Variants in ENPP3 observed in about 807,000 individuals in gnomAD.
ENPP3 encodes the protein ectonucleotide pyrophosphatase/phosphodiesterase 3.
A neutral mutation model predicts 117.8 loss-of-function variants in ENPP3; 104 were observed. The ratio of observed to expected loss-of-function variants is 0.88; its 90% confidence interval spans 0.75 to 1.04. ENPP3 has a LOEUF of 1.04. Ranked by LOEUF, ENPP3 falls within the 50% of genes least tolerant of loss-of-function variation. The probability of loss-of-function intolerance (pLI) is 0.00; values close to 1 mark genes in which losing one functional copy is unlikely to be tolerated. For missense variants in ENPP3, 1,026 were observed against 1,051.9 expected, an observed-to-expected ratio of 0.98 and a Z score of 0.34; for synonymous variants, 380 against 349.9, an observed-to-expected ratio of 1.09 and a Z score of -0.96.
chr6:131,722,097 A>C (rs1780045084), intron 17 of ENPP3, 130 bp from the exon 18 acceptor site: 1 of 646,440 alleles, frequency 1.5e-6, no homozygotes, highest in African/African-American at 1.8e-5. Flanking sequence ...CATATAGAGT[A>C]CATAGCTTCG....
intron 21 of ENPP3, among the ~76,000 whole-genome samples, chr6:131,736,260 AT>A (rs1780395112): frequency 6.6e-6 from 1 of 152,202 alleles, no homozygotes; most frequent in African/African-American, 2.4e-5. Flanking sequence ...AGCAGTCTCT[AT>A]TAGTCAGTTC....
At chr6:131,697,802 C>G (rs2114465481) in intron 15 of ENPP3, among the ~76,000 whole-genome samples, 1 of 152,188 alleles carries the variant, frequency 6.6e-6, no homozygotes, top group South Asian at 2.1e-4. Flanking sequence ...GGCCTGGTTC[C>G]TAACAGGCCA....
chr6:131,638,213 A>G (rs1306513389), intron 1 of ENPP3, among the ~76,000 whole-genome samples: 1 of 152,112 alleles, frequency 6.6e-6, no homozygotes, highest in Non-Finnish European at 1.5e-5. Context: ...TTGAGTGTTC[A>G]TAACAACAAT....
At chr6:131,683,965 T>A (rs958113373) in intron 12 of ENPP3, among the ~76,000 whole-genome samples, 4 of 151,976 alleles carry the variant, frequency 2.6e-5, no homozygotes, top group Non-Finnish European at 5.9e-5. Context: ...GTTAGCCCGG[T>A]TAGTCTCAAT....
intron 14 of ENPP3, among the ~76,000 whole-genome samples, chr6:131,689,938 G>C (rs775343034): frequency 1.3e-5 from 2 of 152,146 alleles, no homozygotes; most frequent in Non-Finnish European, 2.9e-5. Context: ...AACTACAGTC[G>C]TGGTAAAAAT....
At chr6:131,680,516 G>A (rs1193489827) in intron 11 of ENPP3, among the ~76,000 whole-genome samples, 3 of 152,272 alleles carry the variant, frequency 2.0e-5, no homozygotes, top group South Asian at 4.2e-4. Flanking sequence ...CACAGAAGTG[G>A]AGATGGCCTA....
chr6:131,658,660 A>G (rs1778436576), intron 6 of ENPP3, among the ~76,000 whole-genome samples: 2 of 152,182 alleles, frequency 1.3e-5, no homozygotes, highest in South Asian at 2.1e-4. Context: ...GATTTGCTTT[A>G]TATTTGAATG....
chr6:131,718,780 G>T, intron 16 of ENPP3, 42 bp downstream of exon 16: 1 of 1,223,466 alleles, frequency 8.2e-7, no homozygotes. Context: ...TTTAAGTTCA[G>T]GGGTACATGT....
Position 131,637,390 on chromosome 6 carries a change from A to G in ENPP3, c.6A>G (p.Glu2=). The G allele has an allele frequency of 1.9e-6, 3 of 1,593,978 alleles. No homozygotes were observed. The highest frequency in any genetic ancestry group is 2.6e-6 in the Non-Finnish European group (3 of 1,169,924). M[E]STLTLATEQP... ...TCTATGCAGCTACCAGGACAATGGA[A>G]TCTACGTTGACTTTAGCAACGGAAC... The change falls in exon 1 of 25, where the codon GAA becomes GAG. Residue 2 remains glutamate (E), a synonymous_variant. Transcript: ENST00000357639.
At chr6:131,650,705 C>T (rs1286719969) in intron 3 of ENPP3, among the ~76,000 whole-genome samples, 1 of 152,196 alleles carries the variant, frequency 6.6e-6, no homozygotes, top group Non-Finnish European at 1.5e-5. Context: ...AGAGAATCCG[C>T]TCCATGCCTC....
In ENPP3 at chr6:131,722,248, C is replaced by T; in HGVS notation, c.1589C>T (p.Ala530Val). 1 of 1,613,626 alleles carries T rather than the reference C, an allele frequency of 6.2e-7. No individual in the cohort carries two copies. Among genetic ancestry groups the T allele is most frequent in the Non-Finnish European group, 8.5e-7 (1 of 1,179,772 alleles). The change falls in exon 18 of 25, where the codon GCA becomes GTA. Residue 530 changes from alanine (A) to valine (V), a missense_variant. Ala to Val is a moderately conservative substitution (Grantham distance 64). Transcript: ENST00000357639. ...ACAGATCTTCTACGCATTCAACCAGCACCAAACAATGGAACCCATGGTAGT... is the reference window on the plus strand; with the variant it reads ...ACAGATCTTCTACGCATTCAACCAGTACCAAACAATGGAACCCATGGTAGT... ...LMCDLLRIQPAPNNGTHGSLN... is the reference protein window; with the variant it reads ...LMCDLLRIQPVPNNGTHGSLN...
At chr6:131,693,736 A>G in intron 15 of ENPP3, 112 bp downstream of exon 15, 1 of 1,114,816 alleles carries the variant, frequency 9.0e-7, no homozygotes, top group South Asian at 1.5e-5. Flanking sequence ...CTGAGCATTG[A>G]CATTTTCTGG....
chr6:131,679,026 C>CTTCTTTCTTTCTTTCTTTCTTTCT (rs1188919565), intron 11 of ENPP3, among the ~76,000 whole-genome samples: 2 of 47,864 alleles, frequency 4.2e-5, no homozygotes, highest in South Asian at 8.7e-4. Flanking sequence ...TCCTTCCTTC[C>CTTCTTTCTTTCTTTCTTTCTTTCT]TTCTTTCTTT....
intron 20 of ENPP3, among the ~76,000 whole-genome samples, chr6:131,731,551 G>T (rs62424760): frequency 0.059 from 8,923 of 152,218 alleles, 465 homozygotes; most frequent in Middle Eastern, 0.14. Flanking sequence ...TGTGCCTTGT[G>T]TCTTTTAGTC....
chr6:131,726,023 A>G (rs1204857183), intron 19 of ENPP3, 23 bp from the exon 20 acceptor site: 1 of 1,575,696 alleles, frequency 6.3e-7, no homozygotes, highest in Admixed American at 1.7e-5. Context: ...GAACCTTTTT[A>G]TTTTATGTTA....
At chr6:131,734,330 C>T (rs1411194971) in intron 21 of ENPP3, among the ~76,000 whole-genome samples, 2 of 152,104 alleles carry the variant, frequency 1.3e-5, no homozygotes, top group African/African-American at 4.8e-5. Flanking sequence ...CCTGCCAAAG[C>T]TAGTGTGATT....
Position 131,726,036 on chromosome 6 carries a change from T to A in ENPP3, c.1799-10T>A. The stretch of plus-strand genomic sequence containing the variant: ...ATGAACCTTTTTATTTTATGTTATT[T>A]TAATTTTAGTAACAGCAACAGTGAA... On this transcript the variant is annotated splice_polypyrimidine_tract_variant and intron_variant, in intron 19 of 24. Coordinates refer to ENST00000357639, the MANE Select transcript of ENPP3 (RefSeq NM_005021.5). 2 of 1,598,828 alleles carry A rather than the reference T, an allele frequency of 1.3e-6. No individual in the cohort carries two copies. The highest frequency in any genetic ancestry group is 1.7e-6 in the Non-Finnish European group (2 of 1,169,256).
intron 11 of ENPP3, among the ~76,000 whole-genome samples, chr6:131,680,233 A>G (rs1395187171): frequency 6.6e-6 from 1 of 152,068 alleles, no homozygotes; most frequent in Non-Finnish European, 1.5e-5. Flanking sequence ...GATATAACTG[A>G]GATTCTTTTA....
At chr6:131,729,344 G>A (rs557059223) in intron 20 of ENPP3, among the ~76,000 whole-genome samples, 1 of 152,270 alleles carries the variant, frequency 6.6e-6, no homozygotes, top group Non-Finnish European at 1.5e-5. Context: ...CTTCAAACAA[G>A]TAGGTTTTAG....
Sources: gnomAD v4.1 joint callset for allele counts (sites outside exome capture counted in the v4.1 genomes callset) on GRCh38, gnomAD v4.1.1 for gene constraint, MANE v1.5 for transcripts, NCBI Gene and HGNC (gene_info 2026-07-23, HGNC 2026-07-21) for gene names.